ZPLD1: variants seen among roughly 807,000 people sequenced by gnomAD.
ZPLD1 encodes zona pellucida like domain containing 1.
ZPLD1 carries 34 observed loss-of-function variants against 47.2 expected under a neutral mutation model. That is an observed-to-expected ratio of 0.72 (90% CI 0.55 to 0.96). The LOEUF (loss-of-function observed/expected upper bound fraction) is 0.96. Ranked by LOEUF, ZPLD1 falls within the 40% of genes least tolerant of loss-of-function variation. The pLI, the probability that ZPLD1 is intolerant of heterozygous loss-of-function variation, is 0.00. For synonymous variants in ZPLD1, 176 were observed against 186.2 expected, an observed-to-expected ratio of 0.95 and a Z score of 0.45; for missense variants, 512 against 505.8, an observed-to-expected ratio of 1.01 and a Z score of -0.12.
intron 8 of ZPLD1, among the ~76,000 whole-genome samples, chr3:102,420,972 T>A (rs1052330041): frequency 2.0e-5 from 3 of 151,934 alleles, no homozygotes; most frequent in African/African-American, 7.2e-5. Context: ...AAAAGTATAT[T>A]TAGTTTGATA....
intron 4 of ZPLD1, among the ~76,000 whole-genome samples, 195 bp from the exon 5 acceptor site, chr3:102,455,998 T>C (rs1020646896): frequency 1.3e-5 from 2 of 152,202 alleles, no homozygotes; most frequent in African/African-American, 4.8e-5. Context: ...CTTTGGTAAA[T>C]ATGAAGTTTC....
At chr3:102,475,050 T>C (rs929498297) in intron 10 of ZPLD1, among the ~76,000 whole-genome samples, 1 of 151,942 alleles carries the variant, frequency 6.6e-6, no homozygotes, top group Non-Finnish European at 1.5e-5. Flanking sequence ...AGCAACTAGA[T>C]AAAGCAATTC....
intron 10 of ZPLD1, among the ~76,000 whole-genome samples, chr3:102,474,551 T>C (rs1707730072): frequency 6.6e-6 from 1 of 152,158 alleles, no homozygotes; most frequent in Non-Finnish European, 1.5e-5. Flanking sequence ...CGGTGCTTAT[T>C]AATTTGAGAT....
intron 10 of ZPLD1, among the ~76,000 whole-genome samples, chr3:102,472,009 T>C (rs1043770000): frequency 6.6e-6 from 1 of 152,154 alleles, no homozygotes; most frequent in African/African-American, 2.4e-5. Flanking sequence ...CATCCCACAG[T>C]CAAAAGAAAG....
chr3:102,456,037 A>G (rs1207478729), intron 4 of ZPLD1, among the ~76,000 whole-genome samples, 156 bp from the exon 5 acceptor site: 7 of 152,188 alleles, frequency 4.6e-5, no homozygotes, highest in Non-Finnish European at 7.3e-5. Flanking sequence ...TATAAATTGC[A>G]TTTCTCACTT....
chr3:102,406,574 A>G lies in ZPLD1; in HGVS notation c.-156-11486A>G, dbSNP rs906924656. Among the ~76,000 whole-genome samples, 5 of 151,932 alleles carry G rather than the reference A, an allele frequency of 3.3e-5. No individual in the cohort carries two copies. The East Asian group carries it at 7.8e-4, about 24-fold the overall frequency. On this transcript the variant is annotated intron_variant, in intron 7 of 17. Transcript: ENST00000491959. The stretch of plus-strand genomic sequence containing the variant: ...GACACTTCTCTAAATGGTTGATCAA[A>G]TATATCGATTATGGTTAACTTCACT...
At chr3:102,448,655 T>G (rs1046639788) in intron 3 of ZPLD1, among the ~76,000 whole-genome samples, 2 of 152,338 alleles carry the variant, frequency 1.3e-5, no homozygotes, top group African/African-American at 4.8e-5. Flanking sequence ...TAAAGTGGGA[T>G]AAGCCTGTAG....
chr3:102,459,089 C>CAAAAAAAA lies in ZPLD1; in HGVS notation c.582+1259_582+1266dup, dbSNP rs767071660. Among the ~76,000 whole-genome samples, 41 of 25,852 alleles carry CAAAAAAAA rather than the reference C, an allele frequency of 1.6e-3. 4 individuals are homozygous for CAAAAAAAA. Among genetic ancestry groups the CAAAAAAAA allele is most frequent in the African/African-American group, 4.5e-3 (40 of 8,970 alleles). 17.0% of individuals were successfully genotyped at this position (25,852 alleles called of 152,430 possible). On this transcript the variant is annotated intron_variant, in intron 6 of 11. Coordinates refer to ENST00000466937, the MANE Select transcript of ZPLD1 (RefSeq NM_001329788.2). ...TGGGAGACAGAGCGAGACTCCGTCT[C>CAAAAAAAA]AAAAAAAAAAAAAAAAAAAAAAAAA...
chr3:102,429,978 T>C (rs1310537909), intron 8 of ZPLD1, among the ~76,000 whole-genome samples: 2 of 152,192 alleles, frequency 1.3e-5, no homozygotes, highest in African/African-American at 2.4e-5. Context: ...TGTTATTTCC[T>C]TTTCAAAATA....
chr3:102,458,056 T>A (rs1026853860), intron 6 of ZPLD1, among the ~76,000 whole-genome samples: 3 of 152,234 alleles, frequency 2.0e-5, no homozygotes, highest in Non-Finnish European at 4.4e-5. Context: ...TAAAAGTTGA[T>A]ATAAGATTTA....
At chr3:102,462,470 C>G in intron 7 of ZPLD1, 92 bp downstream of exon 7, 1 of 787,724 alleles carries the variant, frequency 1.3e-6, no homozygotes, top group Non-Finnish European at 2.0e-6. Flanking sequence ...TTTTTAAATT[C>G]AGTTTGAAAA....
intron 1 of ZPLD1, among the ~76,000 whole-genome samples, chr3:102,436,526 A>G (rs1314163158): frequency 1.3e-5 from 2 of 152,224 alleles, no homozygotes; most frequent in Non-Finnish European, 2.9e-5. Context: ...ATTTAATAAC[A>G]GATGAAATTT....
intron 7 of ZPLD1, among the ~76,000 whole-genome samples, chr3:102,395,953 C>T (rs1483444102): frequency 1.3e-5 from 2 of 152,082 alleles, no homozygotes; most frequent in African/African-American, 4.8e-5. Context: ...GTATTTTGGT[C>T]TTGACATGCT....
chr3:102,388,428 A>G (rs971208123), intron 6 of ZPLD1, among the ~76,000 whole-genome samples: 11 of 96,328 alleles, frequency 1.1e-4, no homozygotes, highest in Non-Finnish European at 1.5e-4. Context: ...TCTCTCCTGG[A>G]GTCTCTCTCT....
intron 6 of ZPLD1, among the ~76,000 whole-genome samples, chr3:102,389,616 T>A (rs919437434): frequency 2.6e-5 from 4 of 152,176 alleles, no homozygotes; most frequent in African/African-American, 9.7e-5. Context: ...ACCCTAGATA[T>A]AAATTTAGGG....
upstream of ZPLD1, chr3:102,434,989 C>T (rs1576144716): frequency 2.9e-6 from 3 of 1,044,516 alleles, no homozygotes; most frequent in East Asian, 5.1e-5. Context: ...GCCTGAGCAG[C>T]CAGGATGATA....
At chr3:102,415,211 AAGT>A (rs1706791798) in intron 7 of ZPLD1, among the ~76,000 whole-genome samples, 1 of 151,824 alleles carries the variant, frequency 6.6e-6, no homozygotes, top group South Asian at 2.1e-4. Flanking sequence ...CTCATTTTGT[AAGT>A]AACTGAAAAG....
At chr3:102,414,991 A>G (rs188936551) in intron 7 of ZPLD1, among the ~76,000 whole-genome samples, 12 of 152,020 alleles carry the variant, frequency 7.9e-5, no homozygotes, top group African/African-American at 2.6e-4. Flanking sequence ...TAATTTATTC[A>G]GCTTTTAGAC....
rs1300476927 is a variant in ZPLD1 at position 102,459,623 on chromosome 3, A to T, written c.582+1770A>T. Among the ~76,000 whole-genome samples, 3 of 152,178 alleles carry T rather than the reference A, an allele frequency of 2.0e-5. No individual in the cohort carries two copies. In the East Asian group the frequency reaches 5.8e-4, roughly 29 times the overall value. On this transcript the variant is annotated intron_variant, in intron 6 of 11. Transcript: ENST00000466937. The stretch of plus-strand genomic sequence containing the variant: ...ATAACCTTAATATTTTAATTATACG[A>T]TAACCAATTTTTTGATATTAGACTA...
Sources: allele counts gnomAD v4.1 joint callset (sites outside exome capture counted in the v4.1 genomes callset), GRCh38; gene constraint gnomAD v4.1.1; transcripts MANE v1.5; gene names NCBI Gene and HGNC (gene_info 2026-07-23, HGNC 2026-07-21).